The following GIT2 variants were observed in gnomAD, a reference collection of about 807,000 sequenced individuals.
GIT2 encodes the protein ARF GTPase-activating protein GIT2.
A neutral mutation model predicts 100.3 loss-of-function variants in GIT2; 32 were observed. The observed-to-expected ratio is 0.32, with a 90% CI of 0.24 to 0.43. GIT2 has a LOEUF of 0.43. GIT2 is among the 20% of genes least tolerant of loss of function. The pLI, the probability that GIT2 is intolerant of heterozygous loss-of-function variation, is 1.00. For synonymous variants in GIT2, 353 were observed against 364.1 expected, an observed-to-expected ratio of 0.97 and a Z score of 0.35; for missense variants, 737 against 975.1, an observed-to-expected ratio of 0.76 and a Z score of 3.25.
At chr12:109,966,858 CCTT>C (rs1372310523) in intron 8 of GIT2, among the ~76,000 whole-genome samples, 2 of 152,094 alleles carry the variant, frequency 1.3e-5, no homozygotes, top group Admixed American at 6.6e-5. Flanking sequence ...AAAATTATGG[CCTT>C]CTTTTTGTTC....
chr12:109,987,035 T>C (rs1040694486), intron 4 of GIT2, among the ~76,000 whole-genome samples: 3 of 151,946 alleles, frequency 2.0e-5, no homozygotes, highest in African/African-American at 7.2e-5. Context: ...TTTGCTGAGA[T>C]TCAAGGCTGG....
At chr12:109,985,429 A>G (rs184178422) in intron 4 of GIT2, among the ~76,000 whole-genome samples, 3,126 of 145,206 alleles carry the variant, frequency 0.022, 46 homozygotes, top group South Asian at 0.053. Context: ...AGGGGGGGGA[A>G]AAAAGGCCAG....
chr12:109,967,652 G>T, intron 7 of GIT2, 149 bp from the exon 8 acceptor site: 2 of 648,324 alleles, frequency 3.1e-6, no homozygotes. Context: ...AAAAATTCCT[G>T]AAGACCCAGC....
upstream of GIT2, chr12:109,996,468 G>T (rs1269213980): frequency 4.0e-6 from 2 of 498,340 alleles, no homozygotes; most frequent in Admixed American, 4.2e-5. Flanking sequence ...GCAGGAGACT[G>T]CCCGAGTATC....
intron 7 of GIT2, among the ~76,000 whole-genome samples, chr12:109,977,068 TTAAAG>T (rs1885250501): frequency 1.3e-5 from 2 of 152,230 alleles, no homozygotes; most frequent in South Asian, 4.1e-4. Flanking sequence ...AGCATTTCTG[TTAAAG>T]TAAAGAATAA....
intron 14 of GIT2, 45 bp downstream of exon 14, chr12:109,951,122 A>G: frequency 1.3e-6 from 2 of 1,535,834 alleles, no homozygotes; most frequent in Non-Finnish European, 1.8e-6. Flanking sequence ...TCCTTGTACT[A>G]TGGGATTAAA....
chr12:109,969,445 G>A (rs11069092), intron 7 of GIT2, among the ~76,000 whole-genome samples: 2,858 of 152,216 alleles, frequency 0.019, 78 homozygotes, highest in African/African-American at 0.065. Flanking sequence ...GGGATTACAG[G>A]TGTGAGCCAC....
At chr12:109,939,715 A>AAATC (rs1366779298) in intron 16 of GIT2, 22 of 140,408 alleles carry the variant, frequency 1.6e-4, no homozygotes, top group Non-Finnish European at 2.5e-4. Context: ...ATAAATAAAT[A>AAATC]AATAAATAAA....
intron 6 of GIT2, chr12:109,981,421 A>T: frequency 4.9e-6 from 1 of 204,310 alleles, no homozygotes; most frequent in Non-Finnish European, 1.0e-5. Context: ...TACCATGTGC[A>T]GGCCCCACCC....
intron 7 of GIT2, among the ~76,000 whole-genome samples, chr12:109,975,502 T>C (rs1050295627): frequency 5.9e-5 from 9 of 152,176 alleles, no homozygotes; most frequent in Non-Finnish European, 1.2e-4. Flanking sequence ...GTGTGAGCCA[T>C]AGCTCCCAGC....
chr12:109,937,195 A>G (rs1317465627), intron 18 of GIT2, among the ~76,000 whole-genome samples: 1 of 152,166 alleles, frequency 6.6e-6, no homozygotes, highest in Non-Finnish European at 1.5e-5. Context: ...CTAGTGGGAA[A>G]TAAGGACACT....
intron 11 of GIT2, among the ~76,000 whole-genome samples, chr12:109,960,763 G>A (rs1350009425): frequency 3.3e-5 from 5 of 152,072 alleles, no homozygotes; most frequent in African/African-American, 1.2e-4. Flanking sequence ...TGAAAATCAC[G>A]TGCATAAATC....
In GIT2 at chr12:109,947,247, G is replaced by A. The variant is rs761346634; in HGVS notation, c.1641+9C>T. ...AGTGAACAGCAGAAGCGCCAGTGGT[G>A]TTACTTACGTGCGCGGGGAAGGGCT... On this transcript the variant is annotated intron_variant, in intron 15 of 19. Transcript: ENST00000355312. This position sits in a 1 kb window ranked among gnomAD's most constrained non-coding sequence, Gnocchi z 4.3. 8.7e-6 allele frequency: 14 copies of A among 1,610,358 alleles called. No homozygotes were observed. The highest frequency in any genetic ancestry group is 5.5e-5 in the South Asian group (5 of 90,818).
chr12:109,935,936 A>G (rs1872838962), intron 18 of GIT2, among the ~76,000 whole-genome samples: 1 of 152,174 alleles, frequency 6.6e-6, no homozygotes, highest in Non-Finnish European at 1.5e-5. Flanking sequence ...ATCTTTCCTC[A>G]AAAAGGTTTT....
At chr12:109,958,543 C>A (rs1415557055) in intron 12 of GIT2, among the ~76,000 whole-genome samples, 1 of 152,128 alleles carries the variant, frequency 6.6e-6, no homozygotes, top group Non-Finnish European at 1.5e-5. Context: ...ACGCCCAGGC[C>A]ATTTTAAGAC....
At chr12:109,995,977 C>T (rs1566033099) in intron 1 of GIT2, 196 bp downstream of exon 1, 2 of 475,288 alleles carry the variant, frequency 4.2e-6, no homozygotes, top group African/African-American at 2.0e-5. Context: ...GGGAGGGCCG[C>T]GAGGGACGGG....
At chr12:109,992,620 C>T (rs1888634001) in intron 1 of GIT2, among the ~76,000 whole-genome samples, 1 of 152,114 alleles carries the variant, frequency 6.6e-6, no homozygotes, top group South Asian at 2.1e-4. Context: ...GACAGGGAAA[C>T]CTGGCCTCTT....
intron 10 of GIT2, 38 bp from the exon 11 acceptor site, chr12:109,961,413 G>A (rs570694337): frequency 6.2e-6 from 8 of 1,289,690 alleles, no homozygotes; most frequent in East Asian, 2.3e-5. Flanking sequence ...ACCTCATCAC[G>A]CCTGTGTGCC....
rs1192278345 is a variant in GIT2 at position 109,933,341 on chromosome 12, C to A, written c.2068-151G>T. ...TCTCAAAGGGGTGCTTCACACACTC[C>A]AAGCTTTGCAGCCCACAGCGTAAGA... On this transcript the variant is annotated intron_variant, in intron 19 of 19. Coordinates refer to ENST00000355312, the MANE Select transcript of GIT2 (RefSeq NM_057169.5). This position sits in a 1 kb window ranked among gnomAD's most constrained non-coding sequence, Gnocchi z 4.5. 1.3e-5 allele frequency: 8 copies of A among 595,796 alleles called. No individual in the cohort carries two copies. In the Admixed American group the frequency reaches 1.7e-4, roughly 13 times the overall value. The allele number at this position is 595,796 out of a possible 1,614,324, so 36.9% of individuals were successfully genotyped here. A position where few individuals can be genotyped will look rare whatever the true frequency, so the allele number is the denominator to read the frequency against.
Sources: gnomAD v4.1 joint callset for allele counts (sites outside exome capture counted in the v4.1 genomes callset) on GRCh38, gnomAD v4.1.1 for gene constraint, Gnocchi (gnomAD v3.1) non-coding constraint, MANE v1.5 for transcripts, NCBI Gene and HGNC (gene_info 2026-07-23, HGNC 2026-07-21) for gene names.